Variants in SPATA6L observed in about 807,000 individuals in gnomAD.
SPATA6L encodes spermatogenesis associated 6-like protein.
In SPATA6L, 68 loss-of-function variants were observed where a neutral mutation model predicts 49.2. The observed-to-expected ratio is 1.38, with a 90% confidence interval of 1.14 to 1.69. The LOEUF is 1.69. SPATA6L is among the 40% of genes most tolerant of loss of function. The pLI is 0.00. For missense variants in SPATA6L, 668 were observed against 464.3 expected, an observed-to-expected ratio of 1.44 and a Z score of -4.03; for synonymous variants, 198 against 165.7, an observed-to-expected ratio of 1.19 and a Z score of -1.50.
chr9:4,657,220 G>C (rs767560668), intron 2 of SPATA6L, among the ~76,000 whole-genome samples: 3 of 152,070 alleles, frequency 2.0e-5, no homozygotes, highest in Admixed American at 6.6e-5. Flanking sequence ...AAACAAAAAT[G>C]AAAGTGTCTC....
At chr9:4,621,097 C>T (rs566672150) in intron 7 of SPATA6L, among the ~76,000 whole-genome samples, 8 of 152,158 alleles carry the variant, frequency 5.3e-5, no homozygotes, top group Non-Finnish European at 1.0e-4. Context: ...TCTCTATTGT[C>T]AGGGATGGCA....
intron 2 of SPATA6L, among the ~76,000 whole-genome samples, chr9:4,659,200 A>G (rs1285751574): frequency 6.6e-6 from 1 of 152,224 alleles, no homozygotes; most frequent in Non-Finnish European, 1.5e-5. Context: ...TGTGATTTAT[A>G]AAAATGTTAC....
intron 3 of SPATA6L, among the ~76,000 whole-genome samples, chr9:4,639,116 C>T (rs1260533184): frequency 6.6e-6 from 1 of 152,176 alleles, no homozygotes; most frequent in Admixed American, 6.5e-5. Context: ...ATGACAAAGC[C>T]ATGTAGAATG....
Position 4,603,402 on chromosome 9 carries a change from C to T in SPATA6L, c.*1+777G>A, listed in dbSNP as rs143927286. 6.1e-3 allele frequency among the ~76,000 whole-genome samples: 925 copies of T among 152,230 alleles called. 9 individuals carry two copies. The highest frequency in any genetic ancestry group is 0.019 in the African/African-American group (769 of 41,524). On this transcript the variant is annotated intron_variant, in intron 11 of 11. Coordinates refer to ENST00000682582, the MANE Select transcript of SPATA6L (RefSeq NM_001353486.2). ...CCAAGATTGCGCCATTGCACTCTAG[C>T]CTGGGTGACAGAGCTCCATGTCAAA...
intron 5 of SPATA6L, chr9:4,627,686 C>T: frequency 8.0e-7 from 1 of 1,256,622 alleles, no homozygotes; most frequent in Non-Finnish European, 1.0e-6. Context: ...GAGGCAGACA[C>T]TAGGACTGAA....
intron 9 of SPATA6L, among the ~76,000 whole-genome samples, chr9:4,609,294 T>G (rs1045198738): frequency 1.3e-5 from 2 of 151,898 alleles, no homozygotes; most frequent in South Asian, 2.1e-4. Context: ...TAACTCATTT[T>G]ATGAGGCCAG....
intron 3 of SPATA6L, among the ~76,000 whole-genome samples, chr9:4,655,348 A>T (rs1170064668): frequency 1.3e-5 from 2 of 152,260 alleles, no homozygotes; most frequent in Non-Finnish European, 2.9e-5. Flanking sequence ...AAATCTATAC[A>T]GACGGAAAGA....
intron 7 of SPATA6L, among the ~76,000 whole-genome samples, chr9:4,622,089 T>A (rs1829438269): frequency 6.6e-6 from 1 of 152,194 alleles, no homozygotes; most frequent in Non-Finnish European, 1.5e-5. Flanking sequence ...GCATCAATGG[T>A]GACTTTGCAA....
intron 4 of SPATA6L, among the ~76,000 whole-genome samples, chr9:4,630,151 A>G (rs10974669): frequency 0.09 from 13,650 of 152,034 alleles, 1,021 homozygotes; most frequent in African/African-American, 0.18. Flanking sequence ...GAGGGTGAGG[A>G]AGTGCCTATA....
At chr9:4,596,517 G>GT, downstream of SPATA6L, 1 of 152,292 alleles carries the variant, frequency 6.6e-6, no homozygotes, top group South Asian at 2.1e-4. Flanking sequence ...TCCAATTTCA[G>GT]TGAGTGTCCG....
intron 1 of SPATA6L, chr9:4,664,246 G>A (rs951130767): frequency 1.2e-5 from 2 of 167,030 alleles, no homozygotes; most frequent in Non-Finnish European, 2.9e-5. Context: ...CATCTCCACT[G>A]AATAAAGAAT....
chr9:4,660,911 C>T (rs1399093363), intron 2 of SPATA6L, among the ~76,000 whole-genome samples: 1 of 152,170 alleles, frequency 6.6e-6, no homozygotes, highest in Non-Finnish European at 1.5e-5. Context: ...AACCATCATT[C>T]TCAGCAAACT....
chr9:4,645,471 C>T (rs1835166255), intron 3 of SPATA6L, among the ~76,000 whole-genome samples: 1 of 152,028 alleles, frequency 6.6e-6, no homozygotes, highest in Non-Finnish European at 1.5e-5. Context: ...GCTTAGTAGC[C>T]AGGTGACACA....
intron 6 of SPATA6L, 145 bp from the exon 7 acceptor site, chr9:4,622,655 G>C (rs1171489716): frequency 1.7e-6 from 1 of 589,158 alleles, no homozygotes; most frequent in East Asian, 2.8e-5. Context: ...AGCACAGTCT[G>C]CAAGTTTGTT....
chr9:4,640,827 G>A (rs1195400285), intron 3 of SPATA6L, among the ~76,000 whole-genome samples: 1 of 148,502 alleles, frequency 6.7e-6, no homozygotes, highest in Admixed American at 6.7e-5. Context: ...TTGAGAGATT[G>A]TAAATTAAAA....
chr9:4,630,894 A>T lies in SPATA6L; in HGVS notation c.352-1726T>A, dbSNP rs60306793. On this transcript the variant is annotated intron_variant, in intron 4 of 11. Transcript: ENST00000682582. ...TTACAGATGAGTAAACTAAGGCACA[A>T]AGAGATTAACCTAACCAAAGTCTCA... 2.9e-3 allele frequency among the ~76,000 whole-genome samples: 437 copies of T among 152,366 alleles called. 4 individuals carry two copies. Among genetic ancestry groups the T allele is most frequent in the African/African-American group, 9.8e-3 (406 of 41,586 alleles).
chr9:4,666,161 T>G (rs746002357), intron 1 of SPATA6L, 51 bp downstream of exon 1: 2 of 1,593,590 alleles, frequency 1.3e-6, no homozygotes, highest in African/African-American at 2.7e-5. Context: ...CACCTGAGAC[T>G]ATTTAGAGTC....
rs572875509 is a variant in SPATA6L at position 4,600,599 on chromosome 9, T to C, written c.*212A>G. The C allele has an allele frequency of 6.6e-6, 1 of 152,086 alleles. No homozygotes were observed. The highest frequency in any genetic ancestry group is 6.6e-5 in the Admixed American group (1 of 15,262). 9.4% of individuals were successfully genotyped at this position (152,086 alleles called of 1,614,324 possible). On this transcript the variant is annotated 3_prime_UTR_variant, in exon 12 of 12. Transcript: ENST00000682582. ...ATGCAAAAACACAAATTTTCCAGCT[T>C]GACAAGAAAATGTTAGCCCCCAAAC...
intron 3 of SPATA6L, among the ~76,000 whole-genome samples, chr9:4,636,112 C>CTT (rs143583775): frequency 0.11 from 16,304 of 148,142 alleles, 1,224 homozygotes; most frequent in East Asian, 0.33. Flanking sequence ...AACACAAAGC[C>CTT]TTTTTTTTTT....
Sources: gnomAD v4.1 joint callset for allele counts (sites outside exome capture counted in the v4.1 genomes callset) on GRCh38, gnomAD v4.1.1 for gene constraint, MANE v1.5 for transcripts, NCBI Gene and HGNC (gene_info 2026-07-23, HGNC 2026-07-21) for gene names.